Variants in INSIG1 observed in about 807,000 individuals in gnomAD.
INSIG1 encodes the protein insulin induced gene 1, also known as insulin-induced gene 1 protein.
INSIG1 carries 14 observed loss-of-function variants against 26.5 expected under a neutral mutation model. That is an observed-to-expected ratio of 0.53 (90% CI 0.35 to 0.83). INSIG1 has a LOEUF of 0.83. Among genes scored for constraint, INSIG1 ranks in the 40% least tolerant of loss-of-function variants. The probability of loss-of-function intolerance (pLI) is 0.01; values close to 1 mark genes in which losing one functional copy is unlikely to be tolerated. For missense variants in INSIG1, 272 were observed against 368.9 expected (o/e 0.74, Z 2.15); for synonymous variants, 147 against 153.3 (o/e 0.96, Z 0.30).
Position 155,308,455 on chromosome 7 carries a change from G to T in INSIG1, c.*185G>T, listed in dbSNP as rs1218033036. The T allele has an allele frequency of 4.1e-6, 3 of 735,840 alleles. No homozygotes were observed. The highest frequency in any genetic ancestry group is 7.2e-6 in the Non-Finnish European group (3 of 419,232). 45.6% of individuals were successfully genotyped at this position (735,840 alleles called of 1,614,324 possible). On this transcript the variant is annotated 3_prime_UTR_variant, in exon 6 of 6. Coordinates refer to ENST00000340368, the MANE Select transcript of INSIG1 (RefSeq NM_005542.6). ...GAGGTGGAGAATGATGACTTACCCT[G>T]AAGTCTTCCCTTGACTGCCCGCACT...
In INSIG1 at chr7:155,308,384, G is replaced by A; in HGVS notation, c.*114G>A. Reference sequence around the variant, plus strand: ...GTAATCTATTTAGATCGGGCTGACTGTACAAATGACTCCTGGAAAAAACTC... The same window carrying A: ...GTAATCTATTTAGATCGGGCTGACTATACAAATGACTCCTGGAAAAAACTC... On this transcript the variant is annotated 3_prime_UTR_variant, in exon 6 of 6. Transcript: ENST00000340368. The A allele has an allele frequency of 1.6e-6, 2 of 1,258,512 alleles. No individual in the cohort carries two copies. The highest frequency in any genetic ancestry group is 2.3e-6 in the Non-Finnish European group (2 of 859,446). 78.0% of individuals were successfully genotyped at this position (1,258,512 alleles called of 1,614,324 possible). A position where few individuals can be genotyped will look rare whatever the true frequency, so the allele number is the denominator to read the frequency against.
At chr7:155,304,866 G>A (rs1397575537) in intron 5 of INSIG1, among the ~76,000 whole-genome samples, 17 of 152,076 alleles carry the variant, frequency 1.1e-4, no homozygotes, top group Admixed American at 3.9e-4. Flanking sequence ...GGCTGGGCGC[G>A]GTGGCTCACG....
rs1464253252 is a variant in INSIG1, at chr7:155,298,502, G to A, written c.217G>A (p.Gly73Ser). 3 of 1,578,386 alleles carry A rather than the reference G, an allele frequency of 1.9e-6. No individual in the cohort carries two copies. Among genetic ancestry groups the A allele is most frequent in the Non-Finnish European group, 2.6e-6 (3 of 1,163,158 alleles). The change falls in exon 2 of 6, where the codon GGC becomes AGC. Residue 73 changes from glycine to serine, a missense_variant. Transcript: ENST00000340368. ...TGCTGCGATGAGCGGCCCCGAGCCC[G>A]GCAGCCCCTACCCCAACACCTGGCA... ...RSAAMSGPEP[G>S]SPYPNTWHHR...
chr7:155,303,862 C>G, intron 5 of INSIG1: 1 of 1,366,426 alleles, frequency 7.3e-7, no homozygotes, highest in South Asian at 1.1e-5. Context: ...TTGAAGACCA[C>G]TTGGCTGTTT....
At chr7:155,308,091 T>C (rs1404098157) in intron 5 of INSIG1, 150 bp from the exon 6 acceptor site, 1 of 564,482 alleles carries the variant, frequency 1.8e-6, no homozygotes, top group East Asian at 2.8e-5. Flanking sequence ...TCTCCAGTTC[T>C]CTGCACATGT....
intron 5 of INSIG1, chr7:155,303,729 C>A (rs1373535845): frequency 4.0e-5 from 20 of 502,440 alleles, no homozygotes; most frequent in East Asian, 1.6e-4. Flanking sequence ...AAAAAAACAA[C>A]AAAAACCTAG....
At chr7:155,307,212 C>T (rs1431159992) in intron 5 of INSIG1, among the ~76,000 whole-genome samples, 2 of 152,190 alleles carry the variant, frequency 1.3e-5, no homozygotes, top group Non-Finnish European at 2.9e-5. Flanking sequence ...CCTAGAAGGT[C>T]TTATTGTGTG....
At chr7:155,301,725 C>T in intron 3 of INSIG1, 35 bp downstream of exon 3, 1 of 1,503,026 alleles carries the variant, frequency 6.7e-7, no homozygotes, top group Non-Finnish European at 9.0e-7. Context: ...TCCAGAGTAT[C>T]TTCTTAGGTT....
intron 5 of INSIG1, chr7:155,303,976 CTT>C (rs11385167): frequency 0.078 from 20,299 of 260,016 alleles, 119 homozygotes; most frequent in Non-Finnish European, 0.085. Flanking sequence ...CTTTGCTTGC[CTT>C]TTTTTTTTTT....
intron 1 of INSIG1, 88 bp downstream of exon 1, chr7:155,298,047 G>A (rs903960088): frequency 2.6e-6 from 1 of 387,054 alleles, no homozygotes; most frequent in African/African-American, 2.1e-5. Context: ...CGCGGGCCCT[G>A]TTGGGTCTTT....
In INSIG1 at chr7:155,298,671, T is replaced by C; in HGVS notation, c.386T>C (p.Val129Ala). 6.2e-7 allele frequency: 1 copy of C among 1,611,882 alleles called. No homozygotes were observed. The highest frequency in any genetic ancestry group is 8.5e-7 in the Non-Finnish European group (1 of 1,179,860). Residue 129 changes from valine to alanine, a missense_variant, in exon 2 of 6, where the codon GTC (valine) becomes GCC (alanine). Val to Ala is a moderately conservative substitution (Grantham distance 64). Coordinates refer to ENST00000340368, the MANE Select transcript of INSIG1 (RefSeq NM_005542.6). The stretch of plus-strand genomic sequence containing the variant: ...ACCATCTTTTCCTCCGCCTGGTGGG[T>C]CCCTCCCTGCTGCGGGACAGCAGCT... ...IATIFSSAWW[V>A]PPCCGTAAAV...
rs545133875 is a variant in INSIG1, at chr7:155,308,341, G to T, written c.*71G>T. The T allele has an allele frequency of 1.1e-5, 17 of 1,583,046 alleles. No homozygotes were observed. Among genetic ancestry groups the T allele is most frequent in the Middle Eastern group, 1.7e-4 (1 of 5,990 alleles). On this transcript the variant is annotated 3_prime_UTR_variant, in exon 6 of 6. Transcript: ENST00000340368. ...AAATCTGACTGTGGATTATGACAAAGATTATCTTTTTTCTTAAGTAATCTA... is the reference window on the plus strand; with the variant it reads ...AAATCTGACTGTGGATTATGACAAATATTATCTTTTTTCTTAAGTAATCTA...
Position 155,298,566 on chromosome 7 carries a change from TTG to T in INSIG1, c.282_283del (p.Val96GlyfsTer62). 1 of 1,611,056 alleles carries T rather than the reference TTG, an allele frequency of 6.2e-7. No homozygotes were observed. Among genetic ancestry groups the T allele is most frequent in the Non-Finnish European group, 8.5e-7 (1 of 1,178,820 alleles). ...CAGAGGAGCCTCGTGCTCTTCTCGG[TTG>T]GGGTGGTCCTAGCCCTGGTGCTCAA... On this transcript the variant is annotated frameshift_variant, in exon 2 of 6. Coordinates refer to ENST00000340368, the MANE Select transcript of INSIG1 (RefSeq NM_005542.6). LOFTEE classifies it high-confidence loss of function.
At chr7:155,299,961 C>G (rs9771174) in intron 2 of INSIG1, among the ~76,000 whole-genome samples, 5,834 of 151,750 alleles carry the variant, frequency 0.038, 257 homozygotes, top group East Asian at 0.12. Flanking sequence ...ACAGAGGGCT[C>G]CGTGTTGAAG....
At chr7:155,306,451 T>C (rs114112750) in intron 5 of INSIG1, among the ~76,000 whole-genome samples, 1,686 of 152,382 alleles carry the variant, frequency 0.011, 25 homozygotes, top group African/African-American at 0.038. Context: ...CCGGCCCCAC[T>C]GGGCCACCTG....
Position 155,302,397 on chromosome 7 carries a change from C to T in INSIG1, c.684C>T (p.Leu228=), listed in dbSNP as rs139463395. 9 of 1,605,522 alleles carry T rather than the reference C, an allele frequency of 5.6e-6. No homozygotes were observed. Among genetic ancestry groups the T allele is most frequent in the East Asian group, 4.5e-5 (2 of 44,636 alleles). ...AFLATLITQF[L]VYNGVYQYTS... is the part of the protein sequence containing the mutation. Reference sequence around the variant, plus strand: ...TAGCTACGCTGATCACGCAGTTTCTCGTGTATAATGGTGTCTATCAGTAAG... The same window carrying T: ...TAGCTACGCTGATCACGCAGTTTCTTGTGTATAATGGTGTCTATCAGTAAG... Residue 228 remains leucine, a synonymous_variant, in exon 4 of 6, where the codon CTC becomes CTT. Transcript: ENST00000340368. The surrounding 1 kb of genome is among the most constrained non-coding windows in gnomAD (Gnocchi z 4.3).
At chr7:155,301,854 G>A (rs946035942) in intron 3 of INSIG1, among the ~76,000 whole-genome samples, 164 bp downstream of exon 3, 2 of 150,246 alleles carry the variant, frequency 1.3e-5, no homozygotes, top group Non-Finnish European at 3.0e-5. Flanking sequence ...TGGGGCTATC[G>A]ATGACTTCAT....
chr7:155,310,140 A>C lies in INSIG1; in HGVS notation c.*1870A>C, dbSNP rs943597920. On this transcript the variant is annotated 3_prime_UTR_variant, in exon 6 of 6. Coordinates refer to ENST00000340368, the MANE Select transcript of INSIG1 (RefSeq NM_005542.6). ...ATGAACAAAATTTGCACTCTACCAG[A>C]TTTGAACATCTAGTGAGGTTCACAT... is the stretch of plus-strand genomic sequence containing the variant. The C allele has an allele frequency of 2.6e-5, 4 of 152,806 alleles. No individual in the cohort carries two copies. The highest frequency in any genetic ancestry group is 2.1e-4 in the South Asian group (1 of 4,826). The allele number at this position is 152,806 out of a possible 1,614,324, so 9.5% of individuals were successfully genotyped here. A position where few individuals can be genotyped will look rare whatever the true frequency, so the allele number is the denominator to read the frequency against.
At chr7:155,301,510 G>A in intron 2 of INSIG1, 56 bp from the exon 3 acceptor site, 2 of 1,545,600 alleles carry the variant, frequency 1.3e-6, no homozygotes, top group Non-Finnish European at 8.8e-7. Flanking sequence ...TGACCACGTT[G>A]AAATTCTGGA....
Sources: gnomAD v4.1 joint callset for allele counts (sites outside exome capture counted in the v4.1 genomes callset) on GRCh38, gnomAD v4.1.1 for gene constraint, Gnocchi (gnomAD v3.1) non-coding constraint, MANE v1.5 for transcripts, NCBI Gene and HGNC (gene_info 2026-07-23, HGNC 2026-07-21) for gene names.